GTF3C5: variants seen among roughly 807,000 people sequenced by gnomAD.
GTF3C5 encodes the protein general transcription factor IIIC subunit 5.
Under a neutral mutation model 61.0 loss-of-function variants are expected in GTF3C5, and 47 were observed. The observed-to-expected ratio is 0.77, with a 90% confidence interval of 0.61 to 0.98. The LOEUF is 0.98. GTF3C5 is among the 50% of genes least tolerant of loss of function. The pLI is 0.00. For missense variants in GTF3C5, 659 were observed against 703.3 expected, an observed-to-expected ratio of 0.94 and a Z score of 0.71; for synonymous variants, 295 against 275.4, an observed-to-expected ratio of 1.07 and a Z score of -0.71.
intron 1 of GTF3C5, among the ~76,000 whole-genome samples, chr9:133,040,367 G>A (rs1368824307): frequency 6.6e-6 from 1 of 152,228 alleles, no homozygotes; most frequent in African/African-American, 2.4e-5. Flanking sequence ...AGTTCACGTT[G>A]TTGGTGCTTT....
chr9:133,052,886 G>A (rs1250522638), intron 5 of GTF3C5, among the ~76,000 whole-genome samples: 1 of 152,178 alleles, frequency 6.6e-6, no homozygotes, highest in Non-Finnish European at 1.5e-5. Context: ...AGGCTGGAGT[G>A]CAGTGGTGTG....
At chr9:133,030,919 G>A (rs759802016), upstream of GTF3C5, 4 of 1,417,470 alleles carry the variant, frequency 2.8e-6, no homozygotes, top group African/African-American at 1.4e-5. Context: ...CGGTGAGGGA[G>A]CCCGGAACGA....
Position 133,031,115 on chromosome 9 carries a change from A to G in GTF3C5, c.104A>G (p.Asp35Gly), listed in dbSNP as rs996957247. 48 of 1,602,858 alleles carry G rather than the reference A, an allele frequency of 3.0e-5. No homozygotes were observed. Among genetic ancestry groups the G allele is most frequent in the Non-Finnish European group, 3.9e-5 (46 of 1,174,204 alleles). ...VCVEYPGVVRDVAKMLPTLGG... is the reference protein window; with the variant it reads ...VCVEYPGVVRGVAKMLPTLGG... ...GTGGAGTACCCGGGAGTGGTGCGTG[A>G]TGTGGCTAAGATGCTGCCGACTCTG... Residue 35 changes from aspartate to glycine, a missense_variant, in exon 1 of 11, where the codon GAT (aspartate) becomes GGT (glycine). By Grantham distance (94) the Asp-to-Gly change is moderately conservative. Transcript: ENST00000372097.
At chr9:133,040,342 A>G (rs1850001419) in intron 1 of GTF3C5, among the ~76,000 whole-genome samples, 1 of 152,240 alleles carries the variant, frequency 6.6e-6, no homozygotes, top group Admixed American at 6.5e-5. Context: ...ACTAGCACGT[A>G]GGTGACCTTG....
At chr9:133,055,853 C>G in intron 8 of GTF3C5, 159 bp from the exon 9 acceptor site, 1 of 1,423,464 alleles carries the variant, frequency 7.0e-7, no homozygotes, top group South Asian at 1.5e-5. Context: ...TGTTTTTTCC[C>G]CAACTCCTCC....
At chr9:133,049,761 G>A (rs1488940886) in intron 3 of GTF3C5, among the ~76,000 whole-genome samples, 1 of 152,146 alleles carries the variant, frequency 6.6e-6, no homozygotes, top group Non-Finnish European at 1.5e-5. Context: ...TGCTTTGTAT[G>A]TGTGTGTATG....
Position 133,042,321 on chromosome 9 carries a change from C to G in GTF3C5, c.373+15C>G. 6.7e-7 allele frequency: 1 copy of G among 1,503,050 alleles called. No homozygotes were observed. The highest frequency in any genetic ancestry group is 9.3e-7 in the Non-Finnish European group (1 of 1,078,808). 93.1% of individuals were successfully genotyped at this position (1,503,050 alleles called of 1,614,324 possible). ...CAAATTTCAGGGTAACTGAAATCTG[C>G]TCTTGCAATGTCTGGTTATTTCAGG... On this transcript the variant is annotated intron_variant, in intron 2 of 10. Coordinates refer to ENST00000372097, the MANE Select transcript of GTF3C5 (RefSeq NM_012087.4).
Position 133,051,530 on chromosome 9 carries a change from T to C in GTF3C5, c.769-530T>C, listed in dbSNP as rs543745710. ...ATTTCCAGCAGTCACTGGGGCACAC[T>C]GTCAGTGGCTCCTTATTGCCCACCA... On this transcript the variant is annotated intron_variant, in intron 4 of 10. Transcript: ENST00000372097. Among the ~76,000 whole-genome samples the C allele has an allele frequency of 6.6e-5, 10 of 152,340 alleles. No homozygotes were observed. The South Asian group carries it at 1.2e-3, about 19-fold the overall frequency.
chr9:133,056,844 C>T lies in GTF3C5; in HGVS notation c.1329C>T (p.Thr443=), dbSNP rs780114355. The T allele has an allele frequency of 4.3e-6, 7 of 1,612,242 alleles. No homozygotes were observed. In the South Asian group the frequency reaches 6.6e-5, roughly 15 times the overall value. ...GGGATGGGTGGTGCCTCCCCAAGACCAGCGACGAGCTCAGGGACACCATGT... is the reference window on the plus strand; with the variant it reads ...GGGATGGGTGGTGCCTCCCCAAGACTAGCGACGAGCTCAGGGACACCATGT... ...TERDGWCLPK[T]SDELRDTMSL... The change falls in exon 10 of 11, where the codon ACC becomes ACT. Residue 443 remains threonine, a synonymous_variant. Transcript: ENST00000372097.
chr9:133,035,398 G>A (rs1849837365), intron 1 of GTF3C5, among the ~76,000 whole-genome samples: 1 of 152,138 alleles, frequency 6.6e-6, no homozygotes, highest in Admixed American at 6.5e-5. Context: ...CTGCTTATTA[G>A]TCTTTTTGCA....
In GTF3C5 at chr9:133,043,770, G is replaced by T. The variant is rs1374896984; in HGVS notation, c.416G>T (p.Gly139Val). The T allele has an allele frequency of 6.2e-7, 1 of 1,614,182 alleles. No individual in the cohort carries two copies. Among genetic ancestry groups the T allele is most frequent in the Non-Finnish European group, 8.5e-7 (1 of 1,180,024 alleles). ...FQYLAVHTEAGGKHTSMYDKV... is the reference protein window; with the variant it reads ...FQYLAVHTEAVGKHTSMYDKV... ...TACTTGGCTGTGCATACGGAAGCAGGCGGCAAGCATACGTCAATGTATGAC... is the reference window on the plus strand; with the variant it reads ...TACTTGGCTGTGCATACGGAAGCAGTCGGCAAGCATACGTCAATGTATGAC... The change falls in exon 3 of 11, where the codon GGC becomes GTC. Residue 139 changes from glycine to valine, a missense_variant. Gly to Val is a moderately radical substitution (Grantham distance 109). Transcript: ENST00000372097.
chr9:133,058,098 G>A lies in GTF3C5; in HGVS notation c.*118G>A. The A allele has an allele frequency of 6.5e-7, 1 of 1,529,122 alleles. No individual in the cohort carries two copies. The allele number at this position is 1,529,122 out of a possible 1,614,324, so 94.7% of individuals were successfully genotyped here. A position where few individuals can be genotyped will look rare whatever the true frequency, so the allele number is the denominator to read the frequency against. ...GAATGGCCCTAGGAGGCCCTCTGAGGAGAGCTAGAGTCCCAGCAAAGGGTG... is the reference window on the plus strand; with the variant it reads ...GAATGGCCCTAGGAGGCCCTCTGAGAAGAGCTAGAGTCCCAGCAAAGGGTG... On this transcript the variant is annotated 3_prime_UTR_variant, in exon 11 of 11. Coordinates refer to ENST00000372097, the MANE Select transcript of GTF3C5 (RefSeq NM_012087.4).
intron 3 of GTF3C5, chr9:133,044,162 A>AG (rs1316723202): frequency 1.2e-4 from 64 of 535,936 alleles, no homozygotes; most frequent in African/African-American, 1.0e-3. Flanking sequence ...AAAAAAAAAA[A>AG]AAAAAAAGAA....
At chr9:133,054,591 C>A in intron 7 of GTF3C5, 103 bp downstream of exon 7, 1 of 1,403,848 alleles carries the variant, frequency 7.1e-7, no homozygotes, top group Non-Finnish European at 9.9e-7. Context: ...CACTCCAGGG[C>A]TCTGCCGGTC....
At chr9:133,054,936 C>T (rs1206355156) in intron 8 of GTF3C5, 127 bp downstream of exon 8, 3 of 1,549,652 alleles carry the variant, frequency 1.9e-6, no homozygotes, top group South Asian at 1.2e-5. Context: ...CACCTTGCTT[C>T]CTTTTAGGTC....
At position 133,054,722 on chromosome 9, in the gene GTF3C5, T is replaced by C. The variant is rs765790325; in HGVS notation, c.1080T>C (p.Leu360=). Residue 360 remains leucine, a synonymous_variant, in exon 8 of 11, where the codon CTT becomes CTC. Transcript: ENST00000372097. ...PITVKKTSSQ[L]VTMHDLKQGL... The stretch of plus-strand genomic sequence containing the variant: ...GTTGTCCCCACGCAGCCAGCCAGCT[T>C]GTCACCATGCATGACCTGAAGCAGG... The C allele has an allele frequency of 2.5e-6, 4 of 1,572,172 alleles. 1 individual carries two copies. Among genetic ancestry groups the C allele is most frequent in the Non-Finnish European group, 2.6e-6 (3 of 1,158,538 alleles).
At chr9:133,034,281 CAG>C (rs1158286994) in intron 1 of GTF3C5, among the ~76,000 whole-genome samples, 2 of 152,140 alleles carry the variant, frequency 1.3e-5, no homozygotes, top group African/African-American at 2.4e-5. Flanking sequence ...CCAGTCACCA[CAG>C]GGGCCCTTTA....
chr9:133,056,161 T>G, intron 9 of GTF3C5, 67 bp downstream of exon 9: 3 of 1,333,612 alleles, frequency 2.2e-6, no homozygotes, highest in Non-Finnish European at 3.2e-6. Flanking sequence ...AAGCGGTCTC[T>G]GAACTCTTCC....
intron 10 of GTF3C5, 122 bp from the exon 11 acceptor site, chr9:133,057,692 T>G: frequency 1.2e-6 from 1 of 867,810 alleles, no homozygotes; most frequent in South Asian, 1.9e-5. Flanking sequence ...CCCACCAGCT[T>G]CTTAAGAGCT....
Sources: gnomAD v4.1 joint callset for allele counts (sites outside exome capture counted in the v4.1 genomes callset) on GRCh38, gnomAD v4.1.1 for gene constraint, MANE v1.5 for transcripts, NCBI Gene and HGNC (gene_info 2026-07-23, HGNC 2026-07-21) for gene names.